The following RIC1 variants were observed in gnomAD, a reference collection of about 807,000 sequenced individuals.
The protein encoded by RIC1 is guanine nucleotide exchange factor subunit RIC1.
Under a neutral mutation model 169.0 loss-of-function variants are expected in RIC1, and 88 were observed. The observed-to-expected ratio is 0.52, with a 90% CI of 0.44 to 0.62. RIC1 has a LOEUF of 0.62. RIC1 is among the 20% of genes least tolerant of loss of function. The probability of loss-of-function intolerance (pLI) is 0.00; values close to 1 mark genes in which losing one functional copy is unlikely to be tolerated. For synonymous variants in RIC1, 790 were observed against 601.5 expected (o/e 1.31, Z -4.59); for missense variants, 1,877 against 1,725.5 (o/e 1.09, Z -1.56).
rs370575229 is a variant in RIC1, at chr9:5,631,407, G to C, written c.144+1954G>C. Among the ~76,000 whole-genome samples the C allele has an allele frequency of 7.9e-5, 12 of 152,272 alleles. No individual in the cohort carries two copies. In the East Asian group the frequency reaches 2.1e-3, roughly 27 times the overall value. ...AGGAGGCTGTATAGTACTGTAGTAT[G>C]AGTGGTTAACCTTGGTCTCTGGGCA... On this transcript the variant is annotated intron_variant, in intron 1 of 25. Transcript: ENST00000414202.
In RIC1 at chr9:5,662,170, G is replaced by A. The variant is rs183637845; in HGVS notation, c.252+5480G>A. 3.0e-4 allele frequency among the ~76,000 whole-genome samples: 45 copies of A among 152,196 alleles called. 1 individual carries two copies. The East Asian group carries it at 4.3e-3, about 14-fold the overall frequency. On this transcript the variant is annotated intron_variant, in intron 2 of 25. Coordinates refer to ENST00000414202, the MANE Select transcript of RIC1 (RefSeq NM_020829.4). ...GTATGTTGAACCAGTCTTGCATTCCGGGGATGAAGTCTACTTGGACATGAT... is the reference window on the plus strand; with the variant it reads ...GTATGTTGAACCAGTCTTGCATTCCAGGGATGAAGTCTACTTGGACATGAT...
chr9:5,707,787 C>G (rs1469388214), intron 3 of RIC1, among the ~76,000 whole-genome samples: 2 of 152,110 alleles, frequency 1.3e-5, no homozygotes, highest in Non-Finnish European at 2.9e-5. Flanking sequence ...TTCTTGTAGA[C>G]AGCTTATAAA....
At chr9:5,716,142 G>C (rs889461880) in intron 4 of RIC1, among the ~76,000 whole-genome samples, 1 of 151,344 alleles carries the variant, frequency 6.6e-6, no homozygotes, top group African/African-American at 2.4e-5. Flanking sequence ...ACCACACCCA[G>C]CCAAGATCCT....
intron 9 of RIC1, 31 bp downstream of exon 9, chr9:5,743,044 A>G: frequency 1.9e-6 from 3 of 1,592,212 alleles, no homozygotes; most frequent in Non-Finnish European, 1.7e-6. Flanking sequence ...TTTAGATAAA[A>G]TAACTCCATT....
intron 1 of RIC1, among the ~76,000 whole-genome samples, chr9:5,636,544 C>G (rs1228966450): frequency 6.6e-6 from 1 of 152,054 alleles, no homozygotes; most frequent in African/African-American, 2.4e-5. Flanking sequence ...GGTATCGATT[C>G]CTGACCTCAG....
intron 2 of RIC1, among the ~76,000 whole-genome samples, chr9:5,684,161 C>G (rs981229714): frequency 2.6e-5 from 4 of 151,722 alleles, no homozygotes; most frequent in Non-Finnish European, 5.9e-5. Flanking sequence ...CCGGCACACC[C>G]CGGTGAGATG....
chr9:5,665,072 T>C (rs1359949549), intron 2 of RIC1, among the ~76,000 whole-genome samples: 1 of 152,176 alleles, frequency 6.6e-6, no homozygotes, highest in Non-Finnish European at 1.5e-5. Context: ...CCCTAAGAAC[T>C]TGCTTTGTGA....
intron 2 of RIC1, among the ~76,000 whole-genome samples, chr9:5,680,851 G>C (rs1820784044): frequency 2.0e-5 from 2 of 97,764 alleles, no homozygotes; most frequent in African/African-American, 3.8e-5. Context: ...TTTTGAGACG[G>C]AGTCTCGCTC....
At chr9:5,704,607 A>AT (rs768239443) in intron 3 of RIC1, among the ~76,000 whole-genome samples, 8 of 151,760 alleles carry the variant, frequency 5.3e-5, no homozygotes, top group Admixed American at 2.0e-4. Flanking sequence ...TGATTTTCAT[A>AT]TTTTTTTTCT....
Position 5,765,301 on chromosome 9 carries a change from C to T in RIC1, c.2842-113C>T, listed in dbSNP as rs1432529805. 1.2e-5 allele frequency: 13 copies of T among 1,097,058 alleles called. No homozygotes were observed. The Admixed American group carries it at 2.9e-4, about 24-fold the overall frequency. 68.0% of individuals were successfully genotyped at this position (1,097,058 alleles called of 1,614,324 possible). ...TTTTTAATCTTATTATTAAACTAACCCCTGTGGTGGTGTGGCTACATTCTT... is the reference window on the plus strand; with the variant it reads ...TTTTTAATCTTATTATTAAACTAACTCCTGTGGTGGTGTGGCTACATTCTT... On this transcript the variant is annotated intron_variant, in intron 19 of 25. Transcript: ENST00000414202.
intron 6 of RIC1, among the ~76,000 whole-genome samples, chr9:5,726,247 T>G (rs1823974603): frequency 6.6e-6 from 1 of 152,246 alleles, no homozygotes; most frequent in Non-Finnish European, 1.5e-5. Flanking sequence ...CTGTATTGGG[T>G]GCATATATAT....
chr9:5,747,636 T>G, intron 12 of RIC1, 131 bp downstream of exon 12: 1 of 765,812 alleles, frequency 1.3e-6, no homozygotes, highest in South Asian at 1.8e-5. Context: ...CATGTCCCTC[T>G]TCTGCTTTTC....
chr9:5,682,308 T>C (rs1401771500), intron 2 of RIC1, among the ~76,000 whole-genome samples: 1 of 152,218 alleles, frequency 6.6e-6, no homozygotes, highest in East Asian at 1.9e-4. Flanking sequence ...AGTTTTTCCT[T>C]TCCACGTTTA....
At position 5,652,718 on chromosome 9, in the gene RIC1, T is replaced by C. The variant is rs977137454; in HGVS notation, c.145-3865T>C. ...TCTTTTTTTTTTCTTGCCTAATTGC[T>C]CTGGCTAGGATTTCCAGTACTGCGT... On this transcript the variant is annotated intron_variant, in intron 1 of 25. Transcript: ENST00000414202. Among the ~76,000 whole-genome samples the C allele has an allele frequency of 2.6e-5, 4 of 152,146 alleles. No individual in the cohort carries two copies. The East Asian group carries it at 7.7e-4, about 29-fold the overall frequency.
intron 1 of RIC1, among the ~76,000 whole-genome samples, chr9:5,635,372 G>A (rs1024188407): frequency 2.0e-5 from 3 of 152,022 alleles, no homozygotes; most frequent in Non-Finnish European, 4.4e-5. Context: ...TAAGATAAGG[G>A]TCCAGTTTCC....
chr9:5,640,656 C>A (rs989187521), intron 1 of RIC1, among the ~76,000 whole-genome samples: 1 of 152,158 alleles, frequency 6.6e-6, no homozygotes, highest in Admixed American at 6.5e-5. Flanking sequence ...TTATACTCTT[C>A]TGTGTTTTTC....
chr9:5,754,411 G>C (rs1023169428), intron 14 of RIC1, among the ~76,000 whole-genome samples: 2 of 152,188 alleles, frequency 1.3e-5, no homozygotes, highest in African/African-American at 4.8e-5. Context: ...TCATTGGAGA[G>C]AGGGGGAGTA....
intron 12 of RIC1, among the ~76,000 whole-genome samples, chr9:5,749,840 G>A (rs998637260): frequency 6.0e-5 from 8 of 133,018 alleles, no homozygotes; most frequent in East Asian, 2.3e-4. Flanking sequence ...GTGCAGTGGC[G>A]TGATCTCAGC....
chr9:5,689,079 C>G (rs368023304), intron 2 of RIC1, among the ~76,000 whole-genome samples: 1 of 115,220 alleles, frequency 8.7e-6, no homozygotes, highest in Non-Finnish European at 1.6e-5. Context: ...GACGGAGTCT[C>G]GCTCTGTCGC....
Sources: gnomAD v4.1 joint callset for allele counts (sites outside exome capture counted in the v4.1 genomes callset) on GRCh38, gnomAD v4.1.1 for gene constraint, MANE v1.5 for transcripts, NCBI Gene and HGNC (gene_info 2026-07-23, HGNC 2026-07-21) for gene names.